Variants in DOCK3 observed in about 807,000 individuals in gnomAD.
DOCK3 encodes dedicator of cytokinesis protein 3.
DOCK3 carries 60 observed loss-of-function variants against 265.6 expected under a neutral mutation model. The observed-to-expected ratio is 0.23, with a 90% CI of 0.18 to 0.28. The LOEUF is 0.28. DOCK3 is among the 10% of genes least tolerant of loss of function. DOCK3 has a pLI of 1.00. For missense variants in DOCK3, 1,981 were observed against 2,594.3 expected, an observed-to-expected ratio of 0.76 and a Z score of 5.14; for synonymous variants, 881 against 938.0, an observed-to-expected ratio of 0.94 and a Z score of 1.11.
At chr3:50,686,802 G>A (rs1251364795) in intron 1 of DOCK3, among the ~76,000 whole-genome samples, 2 of 151,226 alleles carry the variant, frequency 1.3e-5, no homozygotes, top group African/African-American at 2.4e-5. Context: ...CCAGCTACTG[G>A]GGAGGCTGAG....
chr3:51,273,981 C>G (rs2080663875), intron 24 of DOCK3, among the ~76,000 whole-genome samples: 1 of 152,186 alleles, frequency 6.6e-6, no homozygotes, highest in African/African-American at 2.4e-5. Flanking sequence ...ACACCCCATT[C>G]TACAGATGAG....
At chr3:51,023,140 A>C (rs1245523250) in intron 5 of DOCK3, among the ~76,000 whole-genome samples, 1 of 152,082 alleles carries the variant, frequency 6.6e-6, no homozygotes, top group Non-Finnish European at 1.5e-5. Context: ...CCCTCAAATA[A>C]GTTTTCCAGA....
intron 40 of DOCK3, among the ~76,000 whole-genome samples, chr3:51,352,211 T>G (rs950075300): frequency 5.3e-5 from 8 of 152,244 alleles, no homozygotes; most frequent in African/African-American, 1.9e-4. Flanking sequence ...TCATTTTATC[T>G]TTTCAAATTA....
intron 51 of DOCK3, chr3:51,379,390 C>T: frequency 1.0e-6 from 1 of 985,438 alleles, no homozygotes; most frequent in South Asian, 4.7e-5. Context: ...AGCTGTACTT[C>T]TCCCAGAGGG....
At chr3:50,973,250 C>T (rs1404987748) in intron 5 of DOCK3, among the ~76,000 whole-genome samples, 1 of 150,544 alleles carries the variant, frequency 6.6e-6, no homozygotes, top group Non-Finnish European at 1.5e-5. Context: ...AACTCGTCAT[C>T]TAGCCTTAGG....
At chr3:50,824,370 G>T (rs1352691444) in intron 2 of DOCK3, among the ~76,000 whole-genome samples, 1 of 152,270 alleles carries the variant, frequency 6.6e-6, no homozygotes, top group Non-Finnish European at 1.5e-5. Context: ...GGGTTTGAAG[G>T]TTTGTATTGA....
At chr3:51,287,865 C>T (rs537989013) in intron 27 of DOCK3, among the ~76,000 whole-genome samples, 2 of 152,274 alleles carry the variant, frequency 1.3e-5, no homozygotes, top group African/African-American at 4.8e-5. Flanking sequence ...TTCACAATAG[C>T]AAAGACATGG....
At chr3:50,717,833 CA>C (rs2037218185) in intron 1 of DOCK3, among the ~76,000 whole-genome samples, 1 of 152,146 alleles carries the variant, frequency 6.6e-6, no homozygotes, top group Non-Finnish European at 1.5e-5. Context: ...CTATGTTGGC[CA>C]GGCTGGTCTC....
chr3:51,337,063 G>T (rs1475759762), intron 35 of DOCK3, among the ~76,000 whole-genome samples: 1 of 152,144 alleles, frequency 6.6e-6, no homozygotes, highest in South Asian at 2.1e-4. Context: ...GCAGAGGGAT[G>T]TTCAGGACCC....
Position 50,778,691 on chromosome 3 carries a change from A to G in DOCK3, c.54A>G (p.Arg18=). ...EKYGVVICSF[R]GSVPQGLVLE... The stretch of plus-strand genomic sequence containing the variant: ...CTTTTCTAGTGATATGCAGCTTTCG[A>G]GGATCTGTCCCTCAAGGGTTGGTCT... The change falls in exon 2 of 53, where the codon CGA becomes CGG. Residue 18 remains arginine (R), a synonymous_variant. Coordinates refer to ENST00000266037, the MANE Select transcript of DOCK3 (RefSeq NM_004947.5). The G allele has an allele frequency of 6.3e-7, 1 of 1,587,106 alleles. No homozygotes were observed. The highest frequency in any genetic ancestry group is 8.6e-7 in the Non-Finnish European group (1 of 1,165,612).
In DOCK3 at chr3:50,715,477, G is replaced by T. The variant is rs140728316; in HGVS notation, c.37+40177G>T. Reference sequence around the variant, plus strand: ...GAGGTGGGAGGATCACTTGAGCCTTGGAGGTTGAGGCTGCAGTGAGCCATG... The same window carrying T: ...GAGGTGGGAGGATCACTTGAGCCTTTGAGGTTGAGGCTGCAGTGAGCCATG... On this transcript the variant is annotated intron_variant, in intron 1 of 52. Transcript: ENST00000266037. Among the ~76,000 whole-genome samples the T allele has an allele frequency of 3.9e-5, 6 of 152,220 alleles. No individual in the cohort carries two copies. The East Asian group carries it at 1.2e-3, about 29-fold the overall frequency.
intron 32 of DOCK3, among the ~76,000 whole-genome samples, chr3:51,326,036 A>G (rs2084085125): frequency 1.4e-5 from 2 of 145,936 alleles, no homozygotes; most frequent in South Asian, 4.5e-4. Context: ...CGTTCTGCAC[A>G]TGTACCCCAG....
chr3:50,880,937 G>A (rs2047988607), intron 3 of DOCK3, among the ~76,000 whole-genome samples: 3 of 152,198 alleles, frequency 2.0e-5, no homozygotes, highest in Non-Finnish European at 2.9e-5. Context: ...CCATGATCAA[G>A]TGGGCTTCAT....
chr3:50,986,010 A>G (rs1208602474), intron 5 of DOCK3, among the ~76,000 whole-genome samples: 1 of 151,918 alleles, frequency 6.6e-6, no homozygotes, highest in Non-Finnish European at 1.5e-5. Context: ...TTTTTATTAA[A>G]TATCTATTTA....
intron 21 of DOCK3, among the ~76,000 whole-genome samples, chr3:51,242,329 A>G (rs2078646768): frequency 6.6e-6 from 1 of 152,108 alleles, no homozygotes; most frequent in African/African-American, 2.4e-5. Flanking sequence ...ACTGCTGGCC[A>G]TTCCACTTTG....
intron 4 of DOCK3, among the ~76,000 whole-genome samples, chr3:50,918,445 C>T (rs142639694): frequency 0.095 from 14,372 of 152,056 alleles, 852 homozygotes; most frequent in Non-Finnish European, 0.12. Context: ...TTTTAATGAT[C>T]GCCATTTTAA....
chr3:50,868,888 A>T (rs1263625958), intron 3 of DOCK3, among the ~76,000 whole-genome samples: 376 of 17,632 alleles, frequency 0.021, 1 homozygote, highest in African/African-American at 0.051. Context: ...GATTTTATTT[A>T]TTTGGATAAT....
intron 21 of DOCK3, among the ~76,000 whole-genome samples, chr3:51,246,232 CTTT>C (rs34878916): frequency 2.3e-5 from 3 of 130,656 alleles, no homozygotes; most frequent in Non-Finnish European, 1.6e-5. Flanking sequence ...TTTAGGAAAA[CTTT>C]TTTTTTTTTT....
In DOCK3 at chr3:51,214,334, A is replaced by G. The variant is rs1390641537; in HGVS notation, c.1252+87A>G. On this transcript the variant is annotated intron_variant, in intron 14 of 52. Coordinates refer to ENST00000266037, the MANE Select transcript of DOCK3 (RefSeq NM_004947.5). ...TCCTGAGCAGGTGGTGAACTGTGCT[A>G]TGGAGAAGACCTGCAGCTATTAAAA... is the stretch of plus-strand genomic sequence containing the variant. 7.8e-6 allele frequency: 12 copies of G among 1,530,040 alleles called. 1 individual carries two copies. Among genetic ancestry groups the G allele is most frequent in the East Asian group, 4.6e-5 (2 of 43,150 alleles). 94.8% of individuals were successfully genotyped at this position (1,530,040 alleles called of 1,614,324 possible).
Sources: allele counts gnomAD v4.1 joint callset (sites outside exome capture counted in the v4.1 genomes callset), GRCh38; gene constraint gnomAD v4.1.1; transcripts MANE v1.5; gene names NCBI Gene and HGNC (gene_info 2026-07-23, HGNC 2026-07-21).